RIPOR3: variants seen among roughly 807,000 people sequenced by gnomAD.
The protein encoded by RIPOR3 is family with sequence similarity 65 member C.
Under a neutral mutation model 114.3 loss-of-function variants are expected in RIPOR3, and 95 were observed. The ratio of observed to expected loss-of-function variants is 0.83; its 90% CI spans 0.70 to 0.99. The LOEUF (loss-of-function observed/expected upper bound fraction) is 0.99, where lower values mean the gene tolerates loss of function less well. RIPOR3 is among the 50% of genes least tolerant of loss of function. The probability of loss-of-function intolerance (pLI) is 0.00; values close to 1 mark genes in which losing one functional copy is unlikely to be tolerated. For missense variants in RIPOR3, 1,252 were observed against 1,266.9 expected (o/e 0.99, Z 0.18); for synonymous variants, 575 against 543.8 (o/e 1.06, Z -0.80).
chr20:50,639,749 AG>A (rs1413562052), intron 1 of RIPOR3, among the ~76,000 whole-genome samples: 1 of 152,140 alleles, frequency 6.6e-6, no homozygotes, highest in East Asian at 1.9e-4. Flanking sequence ...AGTGTGGTGC[AG>A]GTGTGTGTAC....
rs565769210 is a variant in RIPOR3 at position 50,691,099 on chromosome 20, C to T, written c.3+27G>A. Reference sequence around the variant, plus strand: ...CCACACAAGGCGGCGTCACGGCACACATGGGGAGCAGTCACTTCACACTCA... The same window carrying T: ...CCACACAAGGCGGCGTCACGGCACATATGGGGAGCAGTCACTTCACACTCA... On this transcript the variant is annotated intron_variant, in intron 1 of 21. Coordinates refer to ENST00000327979, the MANE Select transcript of RIPOR3 (RefSeq NM_001290268.2). 767 of 1,289,496 alleles carry T rather than the reference C, an allele frequency of 5.9e-4. 3 individuals carry two copies. Among genetic ancestry groups the T allele is most frequent in the Middle Eastern group, 2.8e-3 (13 of 4,696 alleles). 79.9% of individuals were successfully genotyped at this position (1,289,496 alleles called of 1,614,324 possible).
At chr20:50,667,022 TC>T (rs1396082652) in intron 1 of RIPOR3, among the ~76,000 whole-genome samples, 3 of 152,042 alleles carry the variant, frequency 2.0e-5, no homozygotes, top group Non-Finnish European at 4.4e-5. Flanking sequence ...CCTCCTAACC[TC>T]CCCTACAAAC....
chr20:50,587,056 CAA>C lies in RIPOR3; in HGVS notation c.*174_*175del, dbSNP rs2122829760. On this transcript the variant is annotated 3_prime_UTR_variant, in exon 22 of 22. Transcript: ENST00000327979. ...TGCCTTGCTTTTTTCTGCCTCTGTA[CAA>C]AAGACCAGCCCATGCCCTGGGGCTG... The C allele has an allele frequency of 3.3e-6, 2 of 604,258 alleles. No individual in the cohort carries two copies. The highest frequency in any genetic ancestry group is 5.5e-5 in the East Asian group (2 of 36,044). 37.4% of individuals were successfully genotyped at this position (604,258 alleles called of 1,614,324 possible).
intron 1 of RIPOR3, among the ~76,000 whole-genome samples, chr20:50,651,187 C>A (rs369640065): frequency 6.6e-6 from 1 of 151,920 alleles, no homozygotes; most frequent in African/African-American, 2.4e-5. Flanking sequence ...GTGAAGGTGG[C>A]CAATACAGGA....
At chr20:50,618,685 T>C (rs2084279230) in intron 3 of RIPOR3, among the ~76,000 whole-genome samples, 3 of 152,226 alleles carry the variant, frequency 2.0e-5, no homozygotes, top group Non-Finnish European at 2.9e-5. Context: ...TTGTGTATTG[T>C]CTGTCTCTCC....
At chr20:50,656,403 G>T (rs960675315) in intron 1 of RIPOR3, among the ~76,000 whole-genome samples, 1 of 152,146 alleles carries the variant, frequency 6.6e-6, no homozygotes, top group African/African-American at 2.4e-5. Context: ...ACAAGAGAAA[G>T]TATATATAGA....
chr20:50,660,651 AC>A (rs1417937029), intron 1 of RIPOR3, among the ~76,000 whole-genome samples: 3 of 148,944 alleles, frequency 2.0e-5, no homozygotes, highest in Admixed American at 6.8e-5. Flanking sequence ...GGAGACAAAC[AC>A]CCCCTATCCA....
intron 1 of RIPOR3, among the ~76,000 whole-genome samples, chr20:50,657,543 AAGAG>A (rs2085853329): frequency 6.6e-6 from 1 of 151,874 alleles, no homozygotes; most frequent in South Asian, 2.1e-4. Context: ...AAAAGAGAGA[AAGAG>A]AGAGAGAACC....
chr20:50,646,977 T>C (rs375793692), intron 1 of RIPOR3, among the ~76,000 whole-genome samples: 95 of 152,224 alleles, frequency 6.2e-4, no homozygotes, highest in African/African-American at 2.0e-3. Flanking sequence ...GTGGCTAGCA[T>C]AGGTAGTTCC....
chr20:50,593,411 A>G (rs2083178617), intron 17 of RIPOR3, among the ~76,000 whole-genome samples: 2 of 152,116 alleles, frequency 1.3e-5, no homozygotes, highest in South Asian at 2.1e-4. Context: ...CATCTCTACT[A>G]AAAATACAAA....
At chr20:50,595,085 C>T (rs1037226558) in intron 16 of RIPOR3, 15 of 504,378 alleles carry the variant, frequency 3.0e-5, no homozygotes, top group South Asian at 1.1e-4. Flanking sequence ...CACTGAACCC[C>T]GTGCAGTGCC....
intron 1 of RIPOR3, among the ~76,000 whole-genome samples, chr20:50,633,248 C>A (rs2084876367): frequency 6.6e-6 from 1 of 151,956 alleles, no homozygotes. Context: ...GGCAACAGAG[C>A]AAGACTCTGA....
At chr20:50,618,332 G>T (rs946003866) in intron 3 of RIPOR3, among the ~76,000 whole-genome samples, 1 of 134,576 alleles carries the variant, frequency 7.4e-6, no homozygotes, top group African/African-American at 2.9e-5. Flanking sequence ...TAGGGTCTAA[G>T]TACCACTATA....
At chr20:50,610,022 C>A (rs1328306854) in intron 6 of RIPOR3, among the ~76,000 whole-genome samples, 8 of 128,998 alleles carry the variant, frequency 6.2e-5, no homozygotes, top group African/African-American at 1.8e-4. Context: ...ACCTGCCACC[C>A]CTGCCTCACC....
At chr20:50,675,861 C>A (rs1434267297) in intron 1 of RIPOR3, among the ~76,000 whole-genome samples, 4 of 152,212 alleles carry the variant, frequency 2.6e-5, no homozygotes, top group South Asian at 2.1e-4. Flanking sequence ...GCATTCAGGG[C>A]AAGTCGAACG....
intron 1 of RIPOR3, among the ~76,000 whole-genome samples, chr20:50,666,212 C>CTTTTCTTTTCTTTTCTTTTCTTTTCTTTT (rs1568944934): frequency 9.2e-6 from 1 of 108,412 alleles, no homozygotes; most frequent in African/African-American, 4.5e-5. Context: ...CTTTTCTTTT[C>CTTTTCTTTTCTTTTCTTTTCTTTTCTTTT]TTTTCTTTTC....
At position 50,636,046 on chromosome 20, in the gene RIPOR3, C is replaced by T. The variant is rs923966848; in HGVS notation, c.4-5190G>A. 7.9e-5 allele frequency among the ~76,000 whole-genome samples: 12 copies of T among 152,238 alleles called. No homozygotes were observed. The South Asian group carries it at 1.9e-3, about 24-fold the overall frequency. On this transcript the variant is annotated intron_variant, in intron 1 of 21. Transcript: ENST00000327979. ...GTGGGCCCCCTTGGGGCCTGCGGAC[C>T]GCGACAGTTCCCAGGCAGCTCAGCT... is the stretch of plus-strand genomic sequence containing the variant.
intron 4 of RIPOR3, among the ~76,000 whole-genome samples, chr20:50,613,586 G>A (rs947149089): frequency 6.6e-6 from 1 of 152,228 alleles, no homozygotes; most frequent in Non-Finnish European, 1.5e-5. Context: ...GCAGTGTCAT[G>A]GGAGCAGGAC....
Position 50,592,598 on chromosome 20 carries a change from G to C in RIPOR3, c.2375-52C>G, listed in dbSNP as rs1326659015. The stretch of plus-strand genomic sequence containing the variant: ...AGGTCCCCTGAATGGGAGTTTGGCA[G>C]GACAGCTGCAAGTTTGCTTGGCTGC... On this transcript the variant is annotated intron_variant, in intron 18 of 21. Coordinates refer to ENST00000327979, the MANE Select transcript of RIPOR3 (RefSeq NM_001290268.2). 7 of 1,392,184 alleles carry C rather than the reference G, an allele frequency of 5.0e-6. No individual in the cohort carries two copies. In the East Asian group the frequency reaches 1.3e-4, roughly 27 times the overall value. 86.2% of individuals were successfully genotyped at this position (1,392,184 alleles called of 1,614,324 possible). A position where few individuals can be genotyped will look rare whatever the true frequency, so the allele number is the denominator to read the frequency against.
Sources: gnomAD v4.1 joint callset for allele counts (sites outside exome capture counted in the v4.1 genomes callset) on GRCh38, gnomAD v4.1.1 for gene constraint, MANE v1.5 for transcripts, NCBI Gene and HGNC (gene_info 2026-07-23, HGNC 2026-07-21) for gene names.